CCDC171: variants seen among roughly 807,000 people sequenced by gnomAD.
CCDC171 encodes coiled-coil domain containing 171.
A neutral mutation model predicts 168.2 loss-of-function variants in CCDC171; 177 were observed. The ratio of observed to expected loss-of-function variants is 1.05; its 90% CI spans 0.93 to 1.19. The LOEUF (loss-of-function observed/expected upper bound fraction) is 1.19, where lower values mean the gene tolerates loss of function less well. Ranked by LOEUF, CCDC171 falls within the 50% of genes most tolerant of loss-of-function variation. CCDC171 has a pLI of 0.00. For synonymous variants in CCDC171, 687 were observed against 540.8 expected (o/e 1.27, Z -3.75); for missense variants, 1,991 against 1,539.0 (o/e 1.29, Z -4.91).
chr9:15,791,847 A>C (rs549320518), intron 21 of CCDC171, among the ~76,000 whole-genome samples: 1 of 152,364 alleles, frequency 6.6e-6, no homozygotes, highest in African/African-American at 2.4e-5. Flanking sequence ...CAAAGACCAA[A>C]GGTAGATAAA....
At chr9:15,753,719 A>T (rs1209533696) in intron 18 of CCDC171, among the ~76,000 whole-genome samples, 1 of 152,148 alleles carries the variant, frequency 6.6e-6, no homozygotes, top group Non-Finnish European at 1.5e-5. Flanking sequence ...AGGAAATAGC[A>T]GGTTCAGGAA....
chr9:15,624,713 T>G (rs10810409), intron 7 of CCDC171, among the ~76,000 whole-genome samples: 61,833 of 150,506 alleles, frequency 0.41, 14,429 homozygotes, highest in East Asian at 0.77. Flanking sequence ...AGTCTATCAT[T>G]GTTGGACATT....
intron 2 of CCDC171, among the ~76,000 whole-genome samples, chr9:15,569,586 C>T (rs528095896): frequency 5.3e-4 from 81 of 152,104 alleles, no homozygotes; most frequent in Non-Finnish European, 7.1e-4. Flanking sequence ...GAGGCCGAGG[C>T]GGGCGGATCA....
At chr9:15,992,359 G>A (rs181369590) in intron 3 of CCDC171, among the ~76,000 whole-genome samples, 2 of 152,130 alleles carry the variant, frequency 1.3e-5, no homozygotes, top group South Asian at 2.1e-4. Flanking sequence ...TGCAGAAAAG[G>A]CCTTTGACAA....
Position 15,816,136 on chromosome 9 carries a change from A to C in CCDC171, c.3268-30566A>C, listed in dbSNP as rs552199892. ...TCCTTTTTTCAAAGTGTATGTTCTC[A>C]TACATAATTTTAAAAACGTTTTTTC... is the stretch of plus-strand genomic sequence containing the variant. On this transcript the variant is annotated intron_variant, in intron 21 of 25. Transcript: ENST00000380701. 4.2e-5 allele frequency among the ~76,000 whole-genome samples: 5 copies of C among 117,914 alleles called. 2 individuals are homozygous for C. Among genetic ancestry groups the C allele is most frequent in the African/African-American group, 1.3e-4 (4 of 31,806 alleles). 77.4% of individuals were successfully genotyped at this position (117,914 alleles called of 152,430 possible). A position where few individuals can be genotyped will look rare whatever the true frequency, so the allele number is the denominator to read the frequency against.
chr9:15,847,324 C>A (rs552754363), intron 22 of CCDC171, among the ~76,000 whole-genome samples: 1 of 151,924 alleles, frequency 6.6e-6, no homozygotes, highest in Non-Finnish European at 1.5e-5. Context: ...TACAATAAAA[C>A]ATATTGACCA....
Position 15,724,952 on chromosome 9 carries a change from C to T in CCDC171, c.1668C>T (p.Ser556=). ...AQSESELQKL[S]QAFHKDAEEK... is the part of the protein sequence containing the mutation. ...CTGAAAGTGAACTGCAGAAGCTTTC[C>T]CAGGCTTTCCATAAGGATGCAGAGG... The change falls in exon 14 of 26, where the codon TCC becomes TCT. Residue 556 remains serine, a synonymous_variant. Coordinates refer to ENST00000380701, the MANE Select transcript of CCDC171 (RefSeq NM_173550.4). 6.2e-7 allele frequency: 1 copy of T among 1,613,772 alleles called. No homozygotes were observed. The highest frequency in any genetic ancestry group is 8.5e-7 in the Non-Finnish European group (1 of 1,179,782).
Position 15,645,124 on chromosome 9 carries a change from G to T in CCDC171, c.823-12003G>T, listed in dbSNP as rs150553757. On this transcript the variant is annotated intron_variant, in intron 7 of 25. Transcript: ENST00000380701. ...TGCAGCTTCCGCTGCTGATATCCAG[G>T]CACACAGGGTCTGGAGTGGACCTCC... 2.5e-4 allele frequency among the ~76,000 whole-genome samples: 38 copies of T among 152,330 alleles called. No individual in the cohort carries two copies. In the East Asian group the frequency reaches 6.2e-3, roughly 25 times the overall value.
intron 21 of CCDC171, among the ~76,000 whole-genome samples, chr9:15,841,540 C>G (rs1488957746): frequency 6.6e-6 from 1 of 151,874 alleles, no homozygotes; most frequent in Non-Finnish European, 1.5e-5. Context: ...AAATATGTCA[C>G]CTACTTTCTG....
intron 21 of CCDC171, among the ~76,000 whole-genome samples, chr9:15,791,445 T>G (rs1378859824): frequency 6.6e-6 from 1 of 152,192 alleles, no homozygotes; most frequent in Non-Finnish European, 1.5e-5. Context: ...ACATTGATTT[T>G]GTATCCTGAG....
intron 24 of CCDC171, among the ~76,000 whole-genome samples, chr9:15,883,651 T>G (rs1289736188): frequency 6.6e-6 from 1 of 152,198 alleles, no homozygotes; most frequent in Non-Finnish European, 1.5e-5. Context: ...ATTGCATCCG[T>G]GTAAAGCTTC....
intron 3 of CCDC171, among the ~76,000 whole-genome samples, chr9:16,006,084 A>T (rs145609144): frequency 3.3e-3 from 500 of 151,936 alleles, no homozygotes; most frequent in African/African-American, 0.011. Flanking sequence ...CTGGTCTCGA[A>T]CTCCTGACCT....
At chr9:15,827,875 T>G (rs988792986) in intron 21 of CCDC171, among the ~76,000 whole-genome samples, 10 of 152,170 alleles carry the variant, frequency 6.6e-5, no homozygotes, top group African/African-American at 1.4e-4. Context: ...GTTAGAATTC[T>G]CCATACCCGA....
intron 5 of CCDC171, among the ~76,000 whole-genome samples, chr9:15,593,601 G>A: frequency 6.6e-6 from 1 of 151,882 alleles, no homozygotes; most frequent in Admixed American, 6.6e-5. Context: ...AATTATCAGG[G>A]ATAATCCAAA....
At chr9:16,000,731 T>A (rs1191066310) in intron 3 of CCDC171, among the ~76,000 whole-genome samples, 1 of 151,906 alleles carries the variant, frequency 6.6e-6, no homozygotes, top group African/African-American at 2.4e-5. Context: ...GAAGAGACTT[T>A]TTTTTTTTGC....
chr9:15,845,699 T>A (rs189752774), intron 21 of CCDC171: 1 of 152,218 alleles, frequency 6.6e-6, no homozygotes, highest in East Asian at 1.9e-4. Flanking sequence ...GAAAACATTA[T>A]GTGTATGCAC....
In CCDC171 at chr9:15,810,091, G is replaced by A. The variant is rs182420659; in HGVS notation, c.3267+25397G>A. Reference sequence around the variant, plus strand: ...CCACTAACCCCGAGCTAGACACAGAGTGCTGATTGGTGCATTTACAATCCC... The same window carrying A: ...CCACTAACCCCGAGCTAGACACAGAATGCTGATTGGTGCATTTACAATCCC... On this transcript the variant is annotated intron_variant, in intron 21 of 25. Transcript: ENST00000380701. Among the ~76,000 whole-genome samples, 3 of 152,232 alleles carry A rather than the reference G, an allele frequency of 2.0e-5. No homozygotes were observed. The East Asian group carries it at 5.8e-4, about 29-fold the overall frequency.
chr9:15,683,010 C>T (rs373584889), intron 10 of CCDC171, among the ~76,000 whole-genome samples: 110 of 152,070 alleles, frequency 7.2e-4, no homozygotes, highest in African/African-American at 2.5e-3. Flanking sequence ...GGGGAGCTTT[C>T]ATTTTCAAAT....
intron 6 of CCDC171, among the ~76,000 whole-genome samples, chr9:15,608,485 T>A (rs1400343510): frequency 1.3e-5 from 2 of 152,180 alleles, no homozygotes; most frequent in African/African-American, 2.4e-5. Context: ...CAGATTTAAT[T>A]TCTTTTGAAA....
Sources: allele counts gnomAD v4.1 joint callset (sites outside exome capture counted in the v4.1 genomes callset), GRCh38; gene constraint gnomAD v4.1.1; transcripts MANE v1.5; gene names NCBI Gene and HGNC (gene_info 2026-07-23, HGNC 2026-07-21).